BICC1: variants seen among roughly 807,000 people sequenced by gnomAD.
BICC1 encodes protein bicaudal C homolog 1.
A neutral mutation model predicts 111.0 loss-of-function variants in BICC1; 43 were observed. The ratio of observed to expected loss-of-function variants is 0.39; its 90% confidence interval spans 0.30 to 0.50. BICC1 has a LOEUF of 0.50. Ranked by LOEUF, BICC1 falls within the 20% of genes least tolerant of loss-of-function variation. The pLI, the probability that BICC1 is intolerant of heterozygous loss-of-function variation, is 0.88. For missense variants in BICC1, 1,091 were observed against 1,203.2 expected (o/e 0.91, Z 1.38); for synonymous variants, 467 against 434.4 (o/e 1.07, Z -0.93).
intron 1 of BICC1, among the ~76,000 whole-genome samples, chr10:58,619,919 T>C (rs1172029111): frequency 6.6e-6 from 1 of 152,206 alleles, no homozygotes; most frequent in Non-Finnish European, 1.5e-5. Flanking sequence ...TGCTGAGGTA[T>C]TACCTAGCAG....
chr10:58,605,891 C>CT (rs1845195108), intron 1 of BICC1, among the ~76,000 whole-genome samples: 1 of 152,088 alleles, frequency 6.6e-6, no homozygotes, highest in Admixed American at 6.6e-5. Flanking sequence ...ATTTCTTTTC[C>CT]TTTTTTTGTC....
chr10:58,589,475 A>G (rs373086112), intron 1 of BICC1, among the ~76,000 whole-genome samples: 1 of 127,502 alleles, frequency 7.8e-6, no homozygotes, highest in Non-Finnish European at 1.7e-5. Flanking sequence ...TTTTTTTTTT[A>G]GTTTTTAATT....
chr10:58,554,309 G>A (rs1264719959), intron 1 of BICC1, among the ~76,000 whole-genome samples: 1 of 152,112 alleles, frequency 6.6e-6, no homozygotes, highest in Non-Finnish European at 1.5e-5. Context: ...CGAACCCTGA[G>A]CAGAACTTAG....
At chr10:58,668,543 A>G (rs531841738) in intron 2 of BICC1, among the ~76,000 whole-genome samples, 1 of 152,232 alleles carries the variant, frequency 6.6e-6, no homozygotes, top group East Asian at 1.9e-4. Flanking sequence ...CTTTTAAAGA[A>G]CACACATTGC....
intron 2 of BICC1, among the ~76,000 whole-genome samples, chr10:58,676,624 G>A (rs1345770544): frequency 2.0e-5 from 3 of 152,330 alleles, no homozygotes; most frequent in African/African-American, 7.2e-5. Context: ...TACAGCATCA[G>A]CAGGCTTAAA....
chr10:58,710,193 A>T (rs919132062), intron 3 of BICC1, among the ~76,000 whole-genome samples: 13 of 152,176 alleles, frequency 8.5e-5, no homozygotes, highest in Non-Finnish European at 1.6e-4. Context: ...CAGTAAAGGT[A>T]GGTTAGTTTG....
intron 1 of BICC1, among the ~76,000 whole-genome samples, chr10:58,603,343 G>T (rs1845104401): frequency 6.6e-6 from 1 of 152,192 alleles, no homozygotes; most frequent in African/African-American, 2.4e-5. Context: ...TTCACCATGT[G>T]ATTCCAGTGG....
At chr10:58,519,710 T>C (rs1842340077) in intron 1 of BICC1, among the ~76,000 whole-genome samples, 2 of 152,120 alleles carry the variant, frequency 1.3e-5, no homozygotes, top group Admixed American at 1.3e-4. Flanking sequence ...GAAGTAAACC[T>C]AAATACCAAA....
At chr10:58,689,081 GT>G (rs1193459581) in intron 2 of BICC1, among the ~76,000 whole-genome samples, 1 of 151,794 alleles carries the variant, frequency 6.6e-6, no homozygotes, top group Non-Finnish European at 1.5e-5. Flanking sequence ...AGAAAGAAAG[GT>G]TTTTGGTGCT....
At chr10:58,589,495 A>G (rs1844536078) in intron 1 of BICC1, among the ~76,000 whole-genome samples, 1 of 151,676 alleles carries the variant, frequency 6.6e-6, no homozygotes, top group Admixed American at 6.6e-5. Flanking sequence ...TTTTTGAGAC[A>G]AGATCTCACT....
intron 17 of BICC1, among the ~76,000 whole-genome samples, chr10:58,813,310 A>C (rs1843971920): frequency 6.6e-6 from 1 of 152,094 alleles, no homozygotes; most frequent in Non-Finnish European, 1.5e-5. Context: ...CAGGTATGTA[A>C]TTTGTTAGAG....
intron 2 of BICC1, among the ~76,000 whole-genome samples, chr10:58,666,167 CAAA>C (rs1302221480): frequency 6.6e-6 from 1 of 152,010 alleles, no homozygotes; most frequent in Non-Finnish European, 1.5e-5. Context: ...AATTTATAGA[CAAA>C]AAAACGTAAA....
At chr10:58,657,152 C>G (rs1838683282) in intron 2 of BICC1, among the ~76,000 whole-genome samples, 1 of 152,184 alleles carries the variant, frequency 6.6e-6, no homozygotes, top group Non-Finnish European at 1.5e-5. Flanking sequence ...TATCCCTACT[C>G]TTGCCTGGGC....
chr10:58,699,882 G>A (rs1840178515), intron 2 of BICC1, among the ~76,000 whole-genome samples: 1 of 152,082 alleles, frequency 6.6e-6, no homozygotes, highest in South Asian at 2.1e-4. Flanking sequence ...TGTAGAGACG[G>A]AGTCTCACTA....
chr10:58,615,843 G>A (rs1845586037), intron 1 of BICC1, among the ~76,000 whole-genome samples: 2 of 152,146 alleles, frequency 1.3e-5, no homozygotes, highest in South Asian at 2.1e-4. Context: ...GCAGTAAATC[G>A]GTCCCCCACG....
intron 1 of BICC1, among the ~76,000 whole-genome samples, chr10:58,528,189 C>T (rs997566044): frequency 3.3e-5 from 5 of 151,796 alleles, no homozygotes; most frequent in East Asian, 2.0e-4. Context: ...AGCAAAGTCA[C>T]GTGCTTGGCC....
chr10:58,620,235 C>T (rs1450583206), intron 1 of BICC1, among the ~76,000 whole-genome samples: 1 of 152,096 alleles, frequency 6.6e-6, no homozygotes, highest in Admixed American at 6.5e-5. Context: ...TATGGGCTAC[C>T]ATTTATCTAT....
chr10:58,621,504 C>T (rs1022278122), intron 2 of BICC1, among the ~76,000 whole-genome samples: 1 of 132,472 alleles, frequency 7.5e-6, no homozygotes, highest in African/African-American at 2.5e-5. Context: ...GGCTTAGCAA[C>T]AAGGGTAAGA....
At chr10:58,620,112 T>C (rs142367478) in intron 1 of BICC1, among the ~76,000 whole-genome samples, 47 of 152,326 alleles carry the variant, frequency 3.1e-4, no homozygotes, top group African/African-American at 1.1e-3. Context: ...ATTGGCTCTT[T>C]ATCACTTCTC....
Sources: gnomAD v4.1 joint callset for allele counts (sites outside exome capture counted in the v4.1 genomes callset) on GRCh38, gnomAD v4.1.1 for gene constraint, MANE v1.5 for transcripts, NCBI Gene and HGNC (gene_info 2026-07-23, HGNC 2026-07-21) for gene names.